The following MICAL2 variants were observed in gnomAD, a reference collection of about 807,000 sequenced individuals.
MICAL2 encodes microtubule associated monooxygenase, calponin and LIM domain containing 2, also known as [F-actin]-monooxygenase MICAL2.
MICAL2 carries 77 observed loss-of-function variants against 127.3 expected under a neutral mutation model. The ratio of observed to expected loss-of-function variants is 0.60; its 90% CI spans 0.50 to 0.73. The LOEUF (loss-of-function observed/expected upper bound fraction) is 0.73, where lower values mean the gene tolerates loss of function less well. Among genes scored for constraint, MICAL2 ranks in the 30% least tolerant of loss-of-function variants. MICAL2 has a pLI of 0.00. For synonymous variants in MICAL2, 570 were observed against 551.1 expected (o/e 1.03, Z -0.48); for missense variants, 1,351 against 1,434.4 (o/e 0.94, Z 0.94).
chr11:12,260,532 A>G (rs1257582246), intron 26 of MICAL2: 2 of 1,017,466 alleles, frequency 2.0e-6, no homozygotes, highest in Non-Finnish European at 2.3e-6. Flanking sequence ...CCCCTTGAAC[A>G]CTGCAGTGAG....
At chr11:12,270,400 C>T (rs567624170) in intron 24 of MICAL2, among the ~76,000 whole-genome samples, 1 of 152,198 alleles carries the variant, frequency 6.6e-6, no homozygotes, top group Non-Finnish European at 1.5e-5. Context: ...TGGTGTGGGG[C>T]TGGAGGGCAG....
chr11:12,176,609 C>G (rs1280218240), intron 3 of MICAL2, among the ~76,000 whole-genome samples: 1 of 152,174 alleles, frequency 6.6e-6, no homozygotes, highest in African/African-American at 2.4e-5. Flanking sequence ...AAAACTGAAA[C>G]TCTACCCATT....
intron 26 of MICAL2, 93 bp from the exon 27 acceptor site, chr11:12,262,387 C>T: frequency 6.3e-7 from 1 of 1,592,418 alleles, no homozygotes; most frequent in Non-Finnish European, 8.5e-7. Flanking sequence ...ACTCCGGTGC[C>T]TTCTCGTGAT....
intron 32 of MICAL2, among the ~76,000 whole-genome samples, chr11:12,341,472 A>C (rs375440811): frequency 0.022 from 3,390 of 152,198 alleles, 60 homozygotes; most frequent in African/African-American, 0.04. Context: ...ACAAACAAAA[A>C]AAAAGACATA....
chr11:12,191,585 G>A (rs890571547), intron 3 of MICAL2, among the ~76,000 whole-genome samples: 1 of 151,996 alleles, frequency 6.6e-6, no homozygotes, highest in Admixed American at 6.6e-5. Flanking sequence ...GTAACATGGT[G>A]AAACCCTGTC....
At chr11:12,316,576 T>C (rs1864233783) in intron 29 of MICAL2, among the ~76,000 whole-genome samples, 1 of 152,190 alleles carries the variant, frequency 6.6e-6, no homozygotes, top group Admixed American at 6.5e-5. Flanking sequence ...AGCACATTTA[T>C]AATAGCTATT....
chr11:12,245,400 C>T (rs2201348), intron 21 of MICAL2, among the ~76,000 whole-genome samples: 25,178 of 152,210 alleles, frequency 0.17, 2,225 homozygotes, highest in South Asian at 0.28. Flanking sequence ...AGAAGCTGCC[C>T]CTTGGTGTGT....
Position 12,162,168 on chromosome 11 carries a change from G to A in MICAL2, c.13G>A (p.Glu5Lys), listed in dbSNP as rs976129665. 9.9e-6 allele frequency: 16 copies of A among 1,614,044 alleles called. No homozygotes were observed. The highest frequency in any genetic ancestry group is 3.3e-5 in the Admixed American group (2 of 60,006). The change falls in exon 3 of 28, where the codon GAG becomes AAG. Residue 5 changes from glutamate (E) to lysine (K), a missense_variant. By Grantham distance (56) the Glu-to-Lys change is moderately conservative (BLOSUM62 1). Coordinates refer to ENST00000683283, the MANE Select transcript of MICAL2 (RefSeq NM_001282663.2). MGEN[E>K]DEKQAQAGQV... ...CGACTCCTGAACCATGGGGGAAAAC[G>A]AGGATGAGAAGCAGGCCCAGGCGGG...
At chr11:12,245,779 A>T (rs1329473032) in intron 21 of MICAL2, among the ~76,000 whole-genome samples, 3 of 152,222 alleles carry the variant, frequency 2.0e-5, no homozygotes, top group Non-Finnish European at 2.9e-5. Context: ...TGTCATCACC[A>T]TCAGCAAGGT....
chr11:12,295,906 G>A (rs1293624134), downstream of MICAL2, among the ~76,000 whole-genome samples: 1 of 151,946 alleles, frequency 6.6e-6, no homozygotes, highest in Non-Finnish European at 1.5e-5. Flanking sequence ...ACATCTTTAT[G>A]CATATAATGT....
intron 8 of MICAL2, among the ~76,000 whole-genome samples, chr11:12,217,125 T>C (rs1856268905): frequency 6.6e-6 from 1 of 152,168 alleles, no homozygotes; most frequent in African/African-American, 2.4e-5. Context: ...TGTACAACCC[T>C]TCCAGAGCCC....
At chr11:12,212,692 C>G (rs1855637648) in intron 6 of MICAL2, among the ~76,000 whole-genome samples, 1 of 152,016 alleles carries the variant, frequency 6.6e-6, no homozygotes, top group Non-Finnish European at 1.5e-5. Context: ...GACGCTATTT[C>G]CAATAGAGTC....
At chr11:12,168,696 G>C (rs536053130) in intron 3 of MICAL2, among the ~76,000 whole-genome samples, 2 of 151,602 alleles carry the variant, frequency 1.3e-5, no homozygotes, top group Admixed American at 6.6e-5. Context: ...TGAAAAAAAT[G>C]CCTGCTCATG....
chr11:12,126,456 G>C (rs1317461945), intron 1 of MICAL2, among the ~76,000 whole-genome samples: 1 of 152,144 alleles, frequency 6.6e-6, no homozygotes, highest in African/African-American at 2.4e-5. Flanking sequence ...AGGTTTGCAG[G>C]TAACTGAGAT....
At chr11:12,226,126 C>G in intron 13 of MICAL2, 45 bp from the exon 14 acceptor site, 1 of 1,599,632 alleles carries the variant, frequency 6.3e-7, no homozygotes, top group Non-Finnish European at 8.6e-7. Context: ...CGCCACACCT[C>G]TGCCTCCTCT....
At chr11:12,292,375 C>G (rs1345122655), downstream of MICAL2, 1 of 1,496,394 alleles carries the variant, frequency 6.7e-7, no homozygotes, top group African/African-American at 1.4e-5. Context: ...ACACTTATCT[C>G]TGGATTCCAC....
At chr11:12,216,910 G>C (rs1464427910) in intron 8 of MICAL2, among the ~76,000 whole-genome samples, 1 of 152,174 alleles carries the variant, frequency 6.6e-6, no homozygotes, top group Non-Finnish European at 1.5e-5. Context: ...GATATATATA[G>C]AGCACCTGGC....
downstream of MICAL2, chr11:12,293,817 G>A: frequency 3.1e-6 from 5 of 1,607,356 alleles, no homozygotes; most frequent in Non-Finnish European, 4.2e-6. Flanking sequence ...AGCAACCACA[G>A]AGACCCACAC....
intron 22 of MICAL2, chr11:12,254,177 A>G (rs1861981673): frequency 6.6e-6 from 1 of 152,222 alleles, no homozygotes; most frequent in Non-Finnish European, 1.5e-5. Flanking sequence ...GCAGAGTCCA[A>G]ATATGTATTT....
Sources: allele counts gnomAD v4.1 joint callset (sites outside exome capture counted in the v4.1 genomes callset), GRCh38; gene constraint gnomAD v4.1.1; transcripts MANE v1.5; gene names NCBI Gene and HGNC (gene_info 2026-07-23, HGNC 2026-07-21).